The following SUGCT variants were observed in gnomAD, a reference collection of about 807,000 sequenced individuals.
SUGCT encodes the protein succinyl-CoA:glutarate-CoA transferase.
Under a neutral mutation model 55.0 loss-of-function variants are expected in SUGCT, and 41 were observed. The ratio of observed to expected loss-of-function variants is 0.74; its 90% CI spans 0.58 to 0.97. The LOEUF (loss-of-function observed/expected upper bound fraction) is 0.97. SUGCT is among the 50% of genes least tolerant of loss of function. SUGCT has a pLI of 0.00. For missense variants in SUGCT, 568 were observed against 547.8 expected (o/e 1.04, Z -0.37); for synonymous variants, 187 against 200.4 (o/e 0.93, Z 0.56).
At chr7:40,186,813 G>A (rs1447880959) in intron 3 of SUGCT, among the ~76,000 whole-genome samples, 1 of 152,164 alleles carries the variant, frequency 6.6e-6, no homozygotes, top group African/African-American at 2.4e-5. Flanking sequence ...GTTCACTGCT[G>A]TGTCTGCTCT....
chr7:40,190,795 A>G (rs1339569727), intron 5 of SUGCT, among the ~76,000 whole-genome samples: 1 of 152,200 alleles, frequency 6.6e-6, no homozygotes, highest in African/African-American at 2.4e-5. Context: ...ACCTCCACAT[A>G]TACCAAAATC....
the SUGCT span, among the ~76,000 whole-genome samples, chr7:40,890,736 C>T: frequency 6.6e-6 from 1 of 152,150 alleles, no homozygotes; most frequent in African/African-American, 2.4e-5. Flanking sequence ...CTTACTTCTT[C>T]AGATGCATAG....
At chr7:40,398,748 G>A (rs1439942162) in intron 9 of SUGCT, among the ~76,000 whole-genome samples, 1 of 152,134 alleles carries the variant, frequency 6.6e-6, no homozygotes, top group Non-Finnish European at 1.5e-5. Context: ...TAATGAGAGT[G>A]AGAAAGATAT....
chr7:41,001,740 C>T, the SUGCT span, among the ~76,000 whole-genome samples: 11 of 152,282 alleles, frequency 7.2e-5, no homozygotes, highest in Middle Eastern at 3.4e-3. Context: ...ACCCTCATGA[C>T]AATTACTTCC....
chr7:40,202,323 C>T lies in SUGCT; in HGVS notation c.484+7263C>T, dbSNP rs867360440. On this transcript the variant is annotated intron_variant, in intron 6 of 13. Coordinates refer to ENST00000335693, the MANE Select transcript of SUGCT (RefSeq NM_001193313.2). ...GTTCAGTCCAGTCTAATATCAAAACCTCAGACTCTTGTCCAGTTTATGACG... is the reference window on the plus strand; with the variant it reads ...GTTCAGTCCAGTCTAATATCAAAACTTCAGACTCTTGTCCAGTTTATGACG... 3.9e-5 allele frequency among the ~76,000 whole-genome samples: 6 copies of T among 152,250 alleles called. No homozygotes were observed. In the South Asian group the frequency reaches 1.2e-3, roughly 32 times the overall value.
chr7:40,729,935 A>G lies in SUGCT; in HGVS notation c.1090-19499A>G, dbSNP rs144710185. On this transcript the variant is annotated intron_variant, in intron 12 of 13. Transcript: ENST00000335693. Reference sequence around the variant, plus strand: ...TGTATGTGAAATCTCCAAATTTTCAATCTTGGCAATTAAGATGGAAAATGA... The same window carrying G: ...TGTATGTGAAATCTCCAAATTTTCAGTCTTGGCAATTAAGATGGAAAATGA... Among the ~76,000 whole-genome samples the G allele has an allele frequency of 2.0e-5, 3 of 152,318 alleles. No homozygotes were observed. In the East Asian group the frequency reaches 5.8e-4, roughly 29 times the overall value.
At chr7:40,201,969 A>G (rs2150767435) in intron 6 of SUGCT, among the ~76,000 whole-genome samples, 1 of 151,750 alleles carries the variant, frequency 6.6e-6, no homozygotes, top group South Asian at 2.1e-4. Flanking sequence ...TTTTCTCCTC[A>G]GTTATTTCTT....
chr7:40,721,900 A>G (rs1786356007), intron 12 of SUGCT, among the ~76,000 whole-genome samples: 4 of 152,234 alleles, frequency 2.6e-5, no homozygotes, highest in African/African-American at 9.7e-5. Flanking sequence ...TGAGACTTTT[A>G]GAGTTGGACA....
intron 11 of SUGCT, among the ~76,000 whole-genome samples, chr7:40,465,881 A>G (rs1790078847): frequency 6.6e-6 from 1 of 151,934 alleles, no homozygotes; most frequent in African/African-American, 2.4e-5. Context: ...CAAAAAAAAT[A>G]AATAAATATA....
chr7:40,698,418 C>T (rs1251611722), intron 12 of SUGCT, among the ~76,000 whole-genome samples: 4 of 152,138 alleles, frequency 2.6e-5, no homozygotes, highest in South Asian at 2.1e-4. Flanking sequence ...AGAATCCTCA[C>T]CCTGTGTAAC....
At position 40,849,275 on chromosome 7, in the gene SUGCT, A is replaced by G. The variant is rs926441209; in HGVS notation, c.1154-11041A>G. ...TGAAAAAAATCCACACATTTAGGGT[A>G]TTTTCCATTTATTAAATTTTATTAA... On this transcript the variant is annotated intron_variant, in intron 13 of 13. Transcript: ENST00000335693. Among the ~76,000 whole-genome samples the G allele has an allele frequency of 2.6e-5, 4 of 152,168 alleles. No homozygotes were observed. The South Asian group carries it at 8.3e-4, about 32-fold the overall frequency.
chr7:41,024,867 A>T, the SUGCT span, among the ~76,000 whole-genome samples: 1 of 152,184 alleles, frequency 6.6e-6, no homozygotes, highest in Non-Finnish European at 1.5e-5. Flanking sequence ...CATATACTCT[A>T]ATCGTCACTG....
intron 9 of SUGCT, among the ~76,000 whole-genome samples, chr7:40,348,415 A>G (rs1365738805): frequency 6.6e-6 from 1 of 152,184 alleles, no homozygotes; most frequent in African/African-American, 2.4e-5. Flanking sequence ...TATGCCAAGC[A>G]GGTCTTGTGA....
At chr7:40,754,629 G>C (rs1016087229) in intron 13 of SUGCT, among the ~76,000 whole-genome samples, 3 of 152,126 alleles carry the variant, frequency 2.0e-5, no homozygotes, top group Non-Finnish European at 2.9e-5. Context: ...CAAGGCTCTG[G>C]GTGCACATAC....
chr7:40,338,540 C>T (rs1341837720), intron 9 of SUGCT, among the ~76,000 whole-genome samples: 5 of 152,316 alleles, frequency 3.3e-5, no homozygotes, highest in East Asian at 3.9e-4. Flanking sequence ...TGGATCGAAT[C>T]GGCTGCTGAA....
the SUGCT span, among the ~76,000 whole-genome samples, chr7:40,901,465 G>A: frequency 7.9e-5 from 12 of 152,174 alleles, no homozygotes; most frequent in East Asian, 1.4e-3. Flanking sequence ...ACACTATATA[G>A]CAACCATCAC....
chr7:40,982,432 A>G, the SUGCT span, among the ~76,000 whole-genome samples: 1 of 152,168 alleles, frequency 6.6e-6, no homozygotes, highest in Non-Finnish European at 1.5e-5. Flanking sequence ...CTTTGTGTAA[A>G]GTACTAGGTG....
chr7:40,197,657 T>C (rs1167733533), intron 6 of SUGCT, among the ~76,000 whole-genome samples: 1 of 152,196 alleles, frequency 6.6e-6, no homozygotes, highest in Non-Finnish European at 1.5e-5. Context: ...GTGCTCCCAA[T>C]GCATCTGCTA....
the SUGCT span, among the ~76,000 whole-genome samples, chr7:41,000,042 A>T: frequency 3.9e-5 from 6 of 152,174 alleles, no homozygotes; most frequent in Admixed American, 2.6e-4. Flanking sequence ...TTTCCTTTCC[A>T]GAACAAGATG....
Sources: gnomAD v4.1 joint callset for allele counts (sites outside exome capture counted in the v4.1 genomes callset) on GRCh38, gnomAD v4.1.1 for gene constraint, MANE v1.5 for transcripts, NCBI Gene and HGNC (gene_info 2026-07-23, HGNC 2026-07-21) for gene names.